The following LPIN2 variants were observed in gnomAD, a reference collection of about 807,000 sequenced individuals.
LPIN2 encodes the protein phosphatidate phosphatase LPIN2.
Under a neutral mutation model 111.4 loss-of-function variants are expected in LPIN2, and 55 were observed. The ratio of observed to expected loss-of-function variants is 0.49; its 90% confidence interval spans 0.40 to 0.62. The LOEUF is 0.62. Among genes scored for constraint, LPIN2 ranks in the 20% least tolerant of loss-of-function variants. The pLI is 0.00. For synonymous variants in LPIN2, 425 were observed against 414.0 expected (o/e 1.03, Z -0.32); for missense variants, 992 against 1,112.1 (o/e 0.89, Z 1.54).
At chr18:2,967,338 T>C (rs912745361) in intron 1 of LPIN2, among the ~76,000 whole-genome samples, 3 of 152,158 alleles carry the variant, frequency 2.0e-5, no homozygotes, top group East Asian at 1.9e-4. Flanking sequence ...TAAATCCCTA[T>C]GGTTTTCTCA....
intron 4 of LPIN2, among the ~76,000 whole-genome samples, chr18:2,941,639 G>A (rs1039728889): frequency 2.0e-5 from 3 of 152,150 alleles, no homozygotes; most frequent in African/African-American, 7.2e-5. Context: ...CACAAAGAAA[G>A]ACTCTGGCCA....
chr18:2,941,781 C>T (rs913660992), intron 4 of LPIN2, among the ~76,000 whole-genome samples: 3 of 152,008 alleles, frequency 2.0e-5, no homozygotes, highest in African/African-American at 7.2e-5. Context: ...AAAAATTAGC[C>T]GGGTGTGGTG....
In LPIN2 at chr18:2,995,592, T is replaced by C. The variant is rs901201703; in HGVS notation, c.-10+17495A>G. On this transcript the variant is annotated intron_variant, in intron 1 of 19. Transcript: ENST00000677752. ...CCTTTCTTCCTGAAAGAACTATCTT[T>C]AAATTTAATTTAGGTGCCACACAGG... Among the ~76,000 whole-genome samples the C allele has an allele frequency of 2.6e-5, 4 of 152,264 alleles. No individual in the cohort carries two copies. The South Asian group carries it at 6.2e-4, about 24-fold the overall frequency.
intron 1 of LPIN2, among the ~76,000 whole-genome samples, chr18:2,999,393 G>A (rs962942335): frequency 2.6e-5 from 4 of 151,608 alleles, no homozygotes; most frequent in African/African-American, 7.3e-5. Context: ...TCAGGAGATC[G>A]AGACCATTCT....
intron 4 of LPIN2, among the ~76,000 whole-genome samples, chr18:2,947,267 C>T (rs2077467536): frequency 6.6e-6 from 1 of 152,066 alleles, no homozygotes; most frequent in African/African-American, 2.4e-5. Flanking sequence ...TATATTTGCA[C>T]TCAAGATTAT....
chr18:3,004,255 G>A (rs1048078413), intron 1 of LPIN2, among the ~76,000 whole-genome samples: 1 of 152,058 alleles, frequency 6.6e-6, no homozygotes, highest in African/African-American at 2.4e-5. Flanking sequence ...GGATCCTTGT[G>A]ACCTACTCCC....
intron 1 of LPIN2, among the ~76,000 whole-genome samples, chr18:3,002,965 G>C (rs1021005474): frequency 6.6e-6 from 1 of 152,198 alleles, no homozygotes; most frequent in Non-Finnish European, 1.5e-5. Context: ...TTCGCCCTTT[G>C]TCCTATGACT....
chr18:3,000,834 C>A (rs2078424231), intron 1 of LPIN2, among the ~76,000 whole-genome samples: 1 of 152,012 alleles, frequency 6.6e-6, no homozygotes, highest in Non-Finnish European at 1.5e-5. Context: ...GAGACTGTGT[C>A]TCGTCCAAAA....
Position 2,939,560 on chromosome 18 carries a change from C to G in LPIN2, c.742G>C (p.Glu248Gln). The G allele has an allele frequency of 3.1e-6, 5 of 1,614,032 alleles. No homozygotes were observed. The highest frequency in any genetic ancestry group is 4.2e-6 in the Non-Finnish European group (5 of 1,179,964). The stretch of plus-strand genomic sequence containing the variant: ...AGCAGGCTCTCCGCAGGTTTCACCT[C>G]CAGCTCTGAATCACTCTTAGGACAC... Reference protein sequence around the residue: ...TACPKSDSELEVKPAESLLRS... With the variant: ...TACPKSDSELQVKPAESLLRS... The change falls in exon 6 of 20, where the codon GAG becomes CAG. Residue 248 changes from glutamate (E) to glutamine (Q), a missense_variant. By Grantham distance (29) the Glu-to-Gln change is conservative (BLOSUM62 2). This residue lies in a region of LPIN2 where 709 missense variants were observed against 753.2 expected (regional missense o/e 0.94). Coordinates refer to ENST00000677752, the MANE Select transcript of LPIN2 (RefSeq NM_001375808.2).
At chr18:2,945,027 A>C (rs2077428757) in intron 4 of LPIN2, among the ~76,000 whole-genome samples, 1 of 152,224 alleles carries the variant, frequency 6.6e-6, no homozygotes. Flanking sequence ...ACTACCTCAG[A>C]ATTAATCCTC....
intron 17 of LPIN2, 36 bp from the exon 18 acceptor site, chr18:2,921,683 A>G (rs922171767): frequency 6.8e-7 from 1 of 1,465,310 alleles, no homozygotes; most frequent in African/African-American, 1.4e-5. Context: ...ACCAATCTCA[A>G]AATGGTCGTT....
At chr18:2,946,826 C>T in intron 4 of LPIN2, 1 of 396,768 alleles carries the variant, frequency 2.5e-6, no homozygotes, top group South Asian at 2.4e-5. Context: ...AACCTTAGCA[C>T]AGTACGAGTC....
chr18:2,931,441 T>C lies in LPIN2; in HGVS notation c.1271A>G (p.Glu424Gly), dbSNP rs1389940068. ...EVAALYFPKS[E>G]SEPGSRQWPE... ...CCACTGCCTGGAACCGGGCTCCGATTCACTGTGGACAGGGGATGGGGAAAA... is the reference window on the plus strand; with the variant it reads ...CCACTGCCTGGAACCGGGCTCCGATCCACTGTGGACAGGGGATGGGGAAAA... Residue 424 changes from glutamate to glycine, a missense_variant and splice_region_variant, in exon 9 of 20, where the codon GAA becomes GGA. Around this residue, in one of 4 missense-constraint regions of LPIN2, gnomAD observed 709 missense variants for 753.2 expected, o/e 0.94. Coordinates refer to ENST00000677752, the MANE Select transcript of LPIN2 (RefSeq NM_001375808.2). 6.3e-7 allele frequency: 1 copy of C among 1,582,666 alleles called. No homozygotes were observed. Among genetic ancestry groups the C allele is most frequent in the South Asian group, 1.1e-5 (1 of 87,556 alleles).
chr18:3,012,843 T>TGCG (rs925030056), intron 1 of LPIN2, among the ~76,000 whole-genome samples: 13 of 151,578 alleles, frequency 8.6e-5, no homozygotes, highest in African/African-American at 1.5e-4. Context: ...CGGTCCGTCC[T>TGCG]GCGGCGGCGG....
At position 2,951,257 on chromosome 18, in the gene LPIN2, T is replaced by C. The variant is rs191101701; in HGVS notation, c.388A>G (p.Thr130Ala). The C allele has an allele frequency of 5.6e-6, 9 of 1,614,012 alleles. No individual in the cohort carries two copies. In the Admixed American group the frequency reaches 1.5e-4, roughly 27 times the overall value. ...TPLVKSGGDE[T>A]PSQSSDISHV... The stretch of plus-strand genomic sequence containing the variant: ...GAGATGTCTGAACTCTGAGATGGTG[T>C]TTCATCTCCACCCGATTTCACCAAA... Residue 130 changes from threonine to alanine, a missense_variant, in exon 4 of 20, where the codon ACA becomes GCA. Around this residue, in one of 4 missense-constraint regions of LPIN2, gnomAD observed 709 missense variants for 753.2 expected, o/e 0.94. Transcript: ENST00000677752.
At chr18:3,000,956 G>A (rs1437674611) in intron 1 of LPIN2, among the ~76,000 whole-genome samples, 1 of 127,992 alleles carries the variant, frequency 7.8e-6, no homozygotes, top group African/African-American at 2.9e-5. Flanking sequence ...GAAAGGATAG[G>A]AAAATGGGGA....
chr18:2,929,058 T>A lies in LPIN2; in HGVS notation c.1550+7A>T. On this transcript the variant is annotated splice_region_variant and intron_variant, in intron 10 of 19. Coordinates refer to ENST00000677752, the MANE Select transcript of LPIN2 (RefSeq NM_001375808.2). ...TATTTAACAATTATAAAAGCAGGAG[T>A]ATTTACCGATTATATATCCTTATTA... The A allele has an allele frequency of 6.6e-7, 1 of 1,516,782 alleles. No homozygotes were observed. The highest frequency in any genetic ancestry group is 2.3e-5 in the East Asian group (1 of 44,290). The allele number at this position is 1,516,782 out of a possible 1,614,324, so 94.0% of individuals were successfully genotyped here. A position where few individuals can be genotyped will look rare whatever the true frequency, so the allele number is the denominator to read the frequency against.
At chr18:2,958,743 G>A (rs947940018) in intron 2 of LPIN2, among the ~76,000 whole-genome samples, 5 of 152,084 alleles carry the variant, frequency 3.3e-5, no homozygotes, top group East Asian at 1.9e-4. Flanking sequence ...GTAACACAAC[G>A]ATTGTGTAGC....
At chr18:2,986,809 G>C (rs1245864485) in intron 1 of LPIN2, among the ~76,000 whole-genome samples, 1 of 152,214 alleles carries the variant, frequency 6.6e-6, no homozygotes, top group African/African-American at 2.4e-5. Context: ...TGAACATTAA[G>C]AGAGTAAAGC....
Sources: gnomAD v4.1 joint callset for allele counts (sites outside exome capture counted in the v4.1 genomes callset) on GRCh38, gnomAD v4.1.1 for gene constraint, gnomAD v4.1.1 regional missense constraint, MANE v1.5 for transcripts, NCBI Gene and HGNC (gene_info 2026-07-23, HGNC 2026-07-21) for gene names.